Variants in GLCE observed in about 807,000 individuals in gnomAD.
The protein encoded by GLCE is D-glucuronyl C5-epimerase.
GLCE carries 19 observed loss-of-function variants against 47.9 expected under a neutral mutation model. The observed-to-expected ratio is 0.40, with a 90% CI of 0.28 to 0.58. The LOEUF (loss-of-function observed/expected upper bound fraction) is 0.58, where lower values mean the gene tolerates loss of function less well. Ranked by LOEUF, GLCE falls within the 20% of genes least tolerant of loss-of-function variation. GLCE has a pLI of 0.48. For synonymous variants in GLCE, 245 were observed against 263.4 expected, an observed-to-expected ratio of 0.93 and a Z score of 0.68; for missense variants, 556 against 743.3, an observed-to-expected ratio of 0.75 and a Z score of 2.93.
chr15:69,174,132 A>G (rs1319440880), intron 1 of GLCE, among the ~76,000 whole-genome samples: 2 of 152,238 alleles, frequency 1.3e-5, no homozygotes. Flanking sequence ...TGATGGGATT[A>G]TAGGCATGAG....
At chr15:69,252,594 C>T (rs2052860602) in intron 2 of GLCE, among the ~76,000 whole-genome samples, 1 of 152,170 alleles carries the variant, frequency 6.6e-6, no homozygotes, top group Admixed American at 6.5e-5. Context: ...GGACAAATGC[C>T]CAAACTATAT....
At chr15:69,215,258 C>G (rs1031208717) in intron 2 of GLCE, among the ~76,000 whole-genome samples, 2 of 152,060 alleles carry the variant, frequency 1.3e-5, no homozygotes, top group African/African-American at 2.4e-5. Context: ...CCTGGCAACC[C>G]CTAATGTGTG....
chr15:69,266,484 G>T (rs1027979322), intron 4 of GLCE, among the ~76,000 whole-genome samples: 3 of 152,034 alleles, frequency 2.0e-5, no homozygotes, highest in Admixed American at 6.6e-5. Context: ...CACTGCACTT[G>T]GCTATTGTAT....
intron 1 of GLCE, among the ~76,000 whole-genome samples, chr15:69,161,059 C>T (rs1381624977): frequency 6.6e-6 from 1 of 151,982 alleles, no homozygotes; most frequent in African/African-American, 2.4e-5. Context: ...CACACGGGGT[C>T]CTAGGTCTTT....
chr15:69,174,508 G>T (rs758166201), intron 1 of GLCE, among the ~76,000 whole-genome samples: 64 of 152,122 alleles, frequency 4.2e-4, no homozygotes, highest in Admixed American at 1.4e-3. Context: ...TACTCAGGAG[G>T]CTGAAGCAGC....
At chr15:69,161,506 C>T (rs538533115) in intron 1 of GLCE, among the ~76,000 whole-genome samples, 12 of 151,476 alleles carry the variant, frequency 7.9e-5, no homozygotes, top group African/African-American at 2.9e-4. Flanking sequence ...GGCGACGGGG[C>T]GAGTTAGCTG....
chr15:69,180,694 T>C (rs1247788131), intron 1 of GLCE, among the ~76,000 whole-genome samples: 1 of 152,218 alleles, frequency 6.6e-6, no homozygotes. Flanking sequence ...CTGGGTAATA[T>C]AGGATGAAGT....
intron 2 of GLCE, among the ~76,000 whole-genome samples, chr15:69,236,430 C>T (rs1479715933): frequency 6.6e-6 from 1 of 152,030 alleles, no homozygotes; most frequent in Non-Finnish European, 1.5e-5. Flanking sequence ...ATTTGAGACA[C>T]GCCTTTTAAA....
rs1048047218 is a variant in GLCE at position 69,236,986 on chromosome 15, G to C, written c.-13-18808G>C. Among the ~76,000 whole-genome samples the C allele has an allele frequency of 3.3e-5, 5 of 152,030 alleles. No individual in the cohort carries two copies. The East Asian group carries it at 5.8e-4, about 18-fold the overall frequency. ...TCCCAGTCTCTTGACCTGCCATTCT[G>C]TTAACTATTAATTAATAAGAGAAAT... On this transcript the variant is annotated intron_variant, in intron 2 of 4. Coordinates refer to ENST00000261858, the MANE Select transcript of GLCE (RefSeq NM_015554.3).
chr15:69,254,921 C>T (rs939218602), intron 2 of GLCE, among the ~76,000 whole-genome samples: 2 of 151,896 alleles, frequency 1.3e-5, no homozygotes, highest in African/African-American at 2.4e-5. Flanking sequence ...GACTGGGGCC[C>T]TAAGGTACTC....
At chr15:69,162,647 C>A (rs1346055257) in intron 1 of GLCE, among the ~76,000 whole-genome samples, 2 of 152,248 alleles carry the variant, frequency 1.3e-5, no homozygotes, top group East Asian at 3.9e-4. Context: ...GCCTCGACCT[C>A]CAAAGCTCAA....
chr15:69,225,801 C>T (rs2052438189), intron 2 of GLCE, among the ~76,000 whole-genome samples: 1 of 152,048 alleles, frequency 6.6e-6, no homozygotes, highest in Non-Finnish European at 1.5e-5. Context: ...TCTTTAAATC[C>T]ATATGGTATA....
intron 1 of GLCE, among the ~76,000 whole-genome samples, chr15:69,194,268 T>A (rs1249074113): frequency 3.3e-5 from 5 of 152,154 alleles, no homozygotes; most frequent in African/African-American, 1.2e-4. Flanking sequence ...GGAATTTTAA[T>A]ATGGGTCAGA....
At chr15:69,193,532 C>T (rs1393856372) in intron 1 of GLCE, among the ~76,000 whole-genome samples, 2 of 152,052 alleles carry the variant, frequency 1.3e-5, no homozygotes, top group African/African-American at 2.4e-5. Context: ...TGCATGTGAT[C>T]AGGATCTCAA....
intron 2 of GLCE, among the ~76,000 whole-genome samples, chr15:69,238,074 G>A (rs1161433817): frequency 6.6e-6 from 1 of 152,148 alleles, no homozygotes; most frequent in African/African-American, 2.4e-5. Context: ...TCTCTTTGCT[G>A]TTAAAAAAAC....
intron 1 of GLCE, among the ~76,000 whole-genome samples, chr15:69,172,362 A>G (rs1283210368): frequency 1.3e-5 from 2 of 152,188 alleles, no homozygotes; most frequent in African/African-American, 4.8e-5. Flanking sequence ...TTCACAAAGA[A>G]CAAGTAATGA....
chr15:69,190,075 T>C (rs2051890923), intron 1 of GLCE, among the ~76,000 whole-genome samples: 1 of 151,360 alleles, frequency 6.6e-6, no homozygotes, highest in Non-Finnish European at 1.5e-5. Flanking sequence ...TATTGTTTAG[T>C]TTCCAGATGT....
intron 2 of GLCE, among the ~76,000 whole-genome samples, chr15:69,248,193 G>A (rs972480860): frequency 3.9e-5 from 6 of 152,144 alleles, no homozygotes; most frequent in African/African-American, 1.4e-4. Context: ...TATATTACTG[G>A]AAGGATCCTA....
intron 1 of GLCE, among the ~76,000 whole-genome samples, chr15:69,188,535 C>T (rs2051864568): frequency 6.6e-6 from 1 of 152,116 alleles, no homozygotes; most frequent in African/African-American, 2.4e-5. Flanking sequence ...GTCAGCTGGA[C>T]CTGGAAGTTT....
Sources: gnomAD v4.1 joint callset for allele counts (sites outside exome capture counted in the v4.1 genomes callset) on GRCh38, gnomAD v4.1.1 for gene constraint, MANE v1.5 for transcripts, NCBI Gene and HGNC (gene_info 2026-07-23, HGNC 2026-07-21) for gene names.